ROBO1: variants seen among roughly 807,000 people sequenced by gnomAD.
ROBO1 encodes the protein roundabout homolog 1.
ROBO1 carries 149 observed loss-of-function variants against 195.9 expected under a neutral mutation model. The ratio of observed to expected loss-of-function variants is 0.76; its 90% CI spans 0.67 to 0.87. The LOEUF is 0.87. Ranked by LOEUF, ROBO1 falls within the 40% of genes least tolerant of loss-of-function variation. The pLI is 0.00. For synonymous variants in ROBO1, 816 were observed against 733.2 expected, an observed-to-expected ratio of 1.11 and a Z score of -1.82; for missense variants, 1,933 against 2,068.3, an observed-to-expected ratio of 0.93 and a Z score of 1.27.
chr3:78,793,751 T>C (rs980552734), intron 4 of ROBO1, among the ~76,000 whole-genome samples: 3 of 152,004 alleles, frequency 2.0e-5, no homozygotes, highest in African/African-American at 7.3e-5. Context: ...TAATAAGATA[T>C]TTAGTTTTTT....
At chr3:79,032,954 T>C (rs1215937728) in intron 3 of ROBO1, among the ~76,000 whole-genome samples, 8 of 152,058 alleles carry the variant, frequency 5.3e-5, no homozygotes, top group Non-Finnish European at 1.0e-4. Context: ...ATTAACTAGA[T>C]GGGACCTTAG....
At chr3:79,065,497 T>G (rs947594049) in intron 3 of ROBO1, among the ~76,000 whole-genome samples, 37 of 151,928 alleles carry the variant, frequency 2.4e-4, no homozygotes, top group Admixed American at 2.2e-3. Flanking sequence ...CGGTGGAGTT[T>G]AGGGCACAAA....
chr3:78,998,313 C>T (rs1354559344), intron 3 of ROBO1, among the ~76,000 whole-genome samples: 3 of 152,040 alleles, frequency 2.0e-5, no homozygotes, highest in African/African-American at 4.8e-5. Flanking sequence ...GTAATAACGA[C>T]GGCAAAAGTA....
chr3:79,450,791 A>C (rs553578987), intron 2 of ROBO1, among the ~76,000 whole-genome samples: 1 of 152,018 alleles, frequency 6.6e-6, no homozygotes, highest in East Asian at 1.9e-4. Flanking sequence ...CCTGAATTTC[A>C]TTTTTTGACA....
chr3:79,615,444 C>T (rs1944790369), intron 1 of ROBO1, among the ~76,000 whole-genome samples: 1 of 152,150 alleles, frequency 6.6e-6, no homozygotes, highest in African/African-American at 2.4e-5. Context: ...ATAGCCCAAC[C>T]ACCTTGGGCA....
intron 2 of ROBO1, among the ~76,000 whole-genome samples, chr3:79,448,170 G>C (rs1368017760): frequency 6.6e-6 from 1 of 152,164 alleles, no homozygotes; most frequent in East Asian, 1.9e-4. Context: ...ATTTGCTCAA[G>C]ATCATGCAGG....
At chr3:79,289,612 T>C in intron 2 of ROBO1, among the ~76,000 whole-genome samples, 1 of 152,226 alleles carries the variant, frequency 6.6e-6, no homozygotes, top group East Asian at 1.9e-4. Context: ...GTACCATAGA[T>C]AATTCTCAAC....
chr3:78,830,622 T>C (rs2032085007), intron 4 of ROBO1, among the ~76,000 whole-genome samples: 1 of 152,182 alleles, frequency 6.6e-6, no homozygotes, highest in Non-Finnish European at 1.5e-5. Flanking sequence ...ACTAACTCAC[T>C]ATCATGAGAG....
chr3:78,878,741 T>A (rs2036006987), intron 4 of ROBO1, among the ~76,000 whole-genome samples: 1 of 151,864 alleles, frequency 6.6e-6, no homozygotes, highest in Admixed American at 6.6e-5. Flanking sequence ...TGAAGCAACT[T>A]ATCTATCTAA....
At chr3:78,786,845 A>T (rs775521947) in intron 4 of ROBO1, among the ~76,000 whole-genome samples, 2 of 152,200 alleles carry the variant, frequency 1.3e-5, no homozygotes, top group African/African-American at 4.8e-5. Context: ...TCTTCATAGC[A>T]GTATGAAAAT....
intron 5 of ROBO1, among the ~76,000 whole-genome samples, chr3:78,737,270 C>T (rs1376359860): frequency 6.6e-6 from 1 of 152,122 alleles, no homozygotes; most frequent in Non-Finnish European, 1.5e-5. Flanking sequence ...GCTGGATCTT[C>T]GTTCACATAC....
intron 4 of ROBO1, among the ~76,000 whole-genome samples, chr3:78,883,814 T>C (rs2036332741): frequency 6.6e-6 from 1 of 152,144 alleles, no homozygotes; most frequent in South Asian, 2.1e-4. Context: ...ATCTAAAGTT[T>C]TTGAGATTTG....
At chr3:79,071,439 T>C (rs1357826253) in intron 3 of ROBO1, among the ~76,000 whole-genome samples, 4 of 151,832 alleles carry the variant, frequency 2.6e-5, no homozygotes, top group Non-Finnish European at 5.9e-5. Context: ...GATAAAGTTA[T>C]GACCCATTCA....
chr3:78,895,383 CTTG>C (rs760319402), intron 4 of ROBO1, among the ~76,000 whole-genome samples: 2 of 152,040 alleles, frequency 1.3e-5, no homozygotes, highest in African/African-American at 2.4e-5. Flanking sequence ...TTTAAAAGGC[CTTG>C]TTGTTTTTCA....
At chr3:78,923,937 T>C (rs901737142) in intron 4 of ROBO1, among the ~76,000 whole-genome samples, 5 of 152,000 alleles carry the variant, frequency 3.3e-5, no homozygotes, top group Non-Finnish European at 7.4e-5. Context: ...ACTTGTTATA[T>C]ATGTAGTATT....
At chr3:79,346,354 G>A (rs1011548782) in intron 2 of ROBO1, among the ~76,000 whole-genome samples, 1 of 152,010 alleles carries the variant, frequency 6.6e-6, no homozygotes, top group Non-Finnish European at 1.5e-5. Flanking sequence ...CTTTCAATTT[G>A]TAGAGTCTGA....
At chr3:79,395,426 G>A (rs1404618732) in intron 2 of ROBO1, among the ~76,000 whole-genome samples, 1 of 151,394 alleles carries the variant, frequency 6.6e-6, no homozygotes, top group Non-Finnish European at 1.5e-5. Context: ...TGGCATCCTA[G>A]GTCTTCATAT....
intron 4 of ROBO1, among the ~76,000 whole-genome samples, chr3:78,774,459 T>A (rs2083454913): frequency 6.6e-6 from 1 of 152,038 alleles, no homozygotes. Context: ...TACAGGCGCC[T>A]GCCACCACGC....
intron 2 of ROBO1, among the ~76,000 whole-genome samples, chr3:79,434,418 A>G (rs2107064546): frequency 6.6e-6 from 1 of 152,328 alleles, no homozygotes; most frequent in South Asian, 2.1e-4. Flanking sequence ...ATATGAACAG[A>G]CACTTCTCAA....
Sources: allele counts gnomAD v4.1 joint callset (sites outside exome capture counted in the v4.1 genomes callset), GRCh38; gene constraint gnomAD v4.1.1; transcripts MANE v1.5; gene names NCBI Gene and HGNC (gene_info 2026-07-23, HGNC 2026-07-21).